The following DOCK8 variants were observed in gnomAD, a reference collection of about 807,000 sequenced individuals.
The protein encoded by DOCK8 is dedicator of cytokinesis protein 8.
DOCK8 carries 141 observed loss-of-function variants against 245.6 expected under a neutral mutation model. The ratio of observed to expected loss-of-function variants is 0.57; its 90% CI spans 0.50 to 0.66. The LOEUF is 0.66. Among genes scored for constraint, DOCK8 ranks in the 30% least tolerant of loss-of-function variants. DOCK8 has a pLI of 0.00. For missense variants in DOCK8, 2,965 were observed against 2,603.4 expected (o/e 1.14, Z -3.02); for synonymous variants, 1,168 against 970.2 (o/e 1.20, Z -3.79).
At chr9:258,455 G>C (rs1207038917) in intron 1 of DOCK8, among the ~76,000 whole-genome samples, 4 of 152,208 alleles carry the variant, frequency 2.6e-5, no homozygotes, top group Admixed American at 2.0e-4. Flanking sequence ...ATCCAACAAT[G>C]TGTGTTGAGT....
intron 1 of DOCK8, among the ~76,000 whole-genome samples, chr9:261,302 C>A (rs977240848): frequency 2.9e-4 from 44 of 152,020 alleles, no homozygotes; most frequent in African/African-American, 9.7e-4. Context: ...TGGCTATTTT[C>A]TTTTTGGTTT....
chr9:415,692 G>GCACACACGCACACGCACACA (rs1554699022), intron 29 of DOCK8, among the ~76,000 whole-genome samples: 2 of 150,978 alleles, frequency 1.3e-5, no homozygotes, highest in African/African-American at 4.9e-5. Context: ...GTGCGCGCGT[G>GCACACACGCACACGCACACA]CACACACACA....
At chr9:215,055 G>A (rs2046709099) in intron 1 of DOCK8, 26 bp downstream of exon 1, 1 of 1,561,476 alleles carries the variant, frequency 6.4e-7, no homozygotes, top group South Asian at 1.2e-5. Flanking sequence ...CGGCGCGCAG[G>A]TTGCGGCCGG....
Position 376,964 on chromosome 9 carries a change from T to C in DOCK8, c.2206-13T>C. 1.2e-6 allele frequency: 2 copies of C among 1,611,980 alleles called. No homozygotes were observed. The highest frequency in any genetic ancestry group is 2.7e-5 in the African/African-American group (2 of 74,946). On this transcript the variant is annotated splice_polypyrimidine_tract_variant and intron_variant, in intron 19 of 47. Coordinates refer to ENST00000432829, the MANE Select transcript of DOCK8 (RefSeq NM_203447.4). The stretch of plus-strand genomic sequence containing the variant: ...GTATAAAACCCCATGAGGCCTGCCT[T>C]CTCCCTTCGCAGGACAACCACCTGG...
intron 24 of DOCK8, among the ~76,000 whole-genome samples, chr9:394,711 G>A (rs969802800): frequency 2.0e-5 from 3 of 152,192 alleles, no homozygotes; most frequent in African/African-American, 7.2e-5. Flanking sequence ...ACATTAAGGG[G>A]TTCTTTAGAG....
intron 14 of DOCK8, among the ~76,000 whole-genome samples, chr9:363,389 C>T (rs756563716): frequency 1.4e-4 from 21 of 152,158 alleles, no homozygotes; most frequent in Non-Finnish European, 2.4e-4. Context: ...TAATTTATCA[C>T]GTATGAAGCA....
chr9:297,192 T>A (rs2049294007), intron 4 of DOCK8, among the ~76,000 whole-genome samples: 1 of 152,180 alleles, frequency 6.6e-6, no homozygotes, highest in African/African-American at 2.4e-5. Context: ...TATTTTCTAA[T>A]CCTCACAATA....
rs182991241 is a variant in DOCK8 at position 239,508 on chromosome 9, C to G, written c.53+24479C>G. On this transcript the variant is annotated intron_variant, in intron 1 of 47. Coordinates refer to ENST00000432829, the MANE Select transcript of DOCK8 (RefSeq NM_203447.4). ...GGAAAGAAAGGAAATATTGAAAGAG[C>G]AGAACCATGAAGGAGAAGAAGCAAT... is the stretch of plus-strand genomic sequence containing the variant. Among the ~76,000 whole-genome samples the G allele has an allele frequency of 2.8e-3, 419 of 152,240 alleles. 3 individuals are homozygous for G. Among genetic ancestry groups the G allele is most frequent in the African/African-American group, 9.6e-3 (400 of 41,536 alleles).
chr9:460,325 C>T (rs10758627), intron 46 of DOCK8: 112,310 of 152,098 alleles, frequency 0.74, 42,648 homozygotes, highest in East Asian at 1. Context: ...GAGAGTTTAG[C>T]TGATTTTACC....
chr9:396,971 A>C (rs781538636), intron 25 of DOCK8, 37 bp downstream of exon 25: 3 of 1,586,922 alleles, frequency 1.9e-6, no homozygotes, highest in African/African-American at 2.7e-5. Context: ...TAAATTGTTT[A>C]CCTGGAACAT....
chr9:248,235 T>C (rs547526699), intron 1 of DOCK8, among the ~76,000 whole-genome samples: 9 of 152,298 alleles, frequency 5.9e-5, no homozygotes, highest in Admixed American at 4.6e-4. Flanking sequence ...GTTTTGCCTG[T>C]TTCTCCCTAT....
intron 14 of DOCK8, chr9:366,613 C>A (rs2053013574): frequency 6.6e-6 from 1 of 152,182 alleles, no homozygotes; most frequent in Non-Finnish European, 1.5e-5. Context: ...ATAAAAGCTA[C>A]CATGAAAGGA....
intron 32 of DOCK8, 30 bp from the exon 33 acceptor site, chr9:422,018 A>G (rs375143204): frequency 5.4e-5 from 86 of 1,578,484 alleles, no homozygotes; most frequent in African/African-American, 1.1e-4. Context: ...ATGCTAATCA[A>G]ATTCCTATCA....
intron 30 of DOCK8, among the ~76,000 whole-genome samples, chr9:419,348 A>G (rs2056176734): frequency 6.6e-6 from 1 of 152,116 alleles, no homozygotes; most frequent in East Asian, 1.9e-4. Flanking sequence ...GACATCACCG[A>G]TCTTACTGTT....
chr9:354,089 T>G (rs891740733), intron 14 of DOCK8, among the ~76,000 whole-genome samples: 1 of 152,222 alleles, frequency 6.6e-6, no homozygotes, highest in Non-Finnish European at 1.5e-5. Flanking sequence ...CCCAGCACTT[T>G]GGGAGGCCAA....
At chr9:214,451 G>T, upstream of DOCK8, 3 of 1,562,968 alleles carry the variant, frequency 1.9e-6, no homozygotes, top group Admixed American at 3.6e-5. Flanking sequence ...TAACTTTTTT[G>T]TCTTTTTTTT....
At chr9:319,133 C>T (rs774810859) in intron 7 of DOCK8, among the ~76,000 whole-genome samples, 2 of 151,348 alleles carry the variant, frequency 1.3e-5, no homozygotes, top group Non-Finnish European at 3.0e-5. Context: ...CCCCTCTCTA[C>T]CAAAAACTAA....
intron 1 of DOCK8, among the ~76,000 whole-genome samples, chr9:267,190 T>C (rs909409385): frequency 7.2e-5 from 11 of 152,182 alleles, no homozygotes; most frequent in African/African-American, 2.2e-4. Context: ...CTATTTTATA[T>C]GTATGCAATT....
upstream of DOCK8, among the ~76,000 whole-genome samples, chr9:212,539 T>A (rs1392222752): frequency 6.6e-6 from 1 of 152,210 alleles, no homozygotes; most frequent in Non-Finnish European, 1.5e-5. Flanking sequence ...GCCAGCAATA[T>A]GTGAATGTAT....
Sources: gnomAD v4.1 joint callset for allele counts (sites outside exome capture counted in the v4.1 genomes callset) on GRCh38, gnomAD v4.1.1 for gene constraint, MANE v1.5 for transcripts, NCBI Gene and HGNC (gene_info 2026-07-23, HGNC 2026-07-21) for gene names.